Variants in CHD6 observed in about 807,000 individuals in gnomAD.
CHD6 encodes the protein ATP-dependent chromatin remodeler CHD6.
CHD6 carries 50 observed loss-of-function variants against 276.9 expected under a neutral mutation model. That is an observed-to-expected ratio of 0.18 (90% confidence interval 0.14 to 0.23). The LOEUF (loss-of-function observed/expected upper bound fraction) is 0.23. Ranked by LOEUF, CHD6 falls within the 10% of genes least tolerant of loss-of-function variation. The pLI is 1.00. For synonymous variants in CHD6, 1,173 were observed against 1,229.3 expected (o/e 0.95, Z 0.96); for missense variants, 2,564 against 3,365.8 (o/e 0.76, Z 5.89).
chr20:41,547,619 CA>C, intron 2 of CHD6: 1 of 595,870 alleles, frequency 1.7e-6, no homozygotes, highest in Admixed American at 1.9e-5. Flanking sequence ...CGATTCAGAA[CA>C]GACAGGCCCA....
At chr20:41,423,747 T>A in intron 29 of CHD6, 47 bp from the exon 30 acceptor site, 1 of 1,493,336 alleles carries the variant, frequency 6.7e-7, no homozygotes, top group Non-Finnish European at 9.3e-7. Context: ...CTTCTTTTTT[T>A]AAAGCCAATA....
At position 41,532,918 on chromosome 20, in the gene CHD6, T is replaced by C. The variant is rs1195517379; in HGVS notation, c.554+132A>G. 22 of 1,020,946 alleles carry C rather than the reference T, an allele frequency of 2.2e-5. No individual in the cohort carries two copies. In the East Asian group the frequency reaches 5.5e-4, roughly 26 times the overall value. The allele number at this position is 1,020,946 out of a possible 1,614,324, so 63.2% of individuals were successfully genotyped here. On this transcript the variant is annotated intron_variant, in intron 3 of 36. Coordinates refer to ENST00000373233, the MANE Select transcript of CHD6 (RefSeq NM_032221.5). ...GGGGTTACCCCTGCTCCCCATCCTATACAGGTGAGATGTGAAGCTTAGGCC... is the reference window on the plus strand; with the variant it reads ...GGGGTTACCCCTGCTCCCCATCCTACACAGGTGAGATGTGAAGCTTAGGCC...
chr20:41,409,205 C>T (rs1036418731), intron 36 of CHD6, among the ~76,000 whole-genome samples: 3 of 152,192 alleles, frequency 2.0e-5, no homozygotes, highest in Non-Finnish European at 4.4e-5. Flanking sequence ...GGAGGAGTCA[C>T]CCCAGCCACC....
chr20:41,610,325 T>C (rs1352163467), intron 1 of CHD6, among the ~76,000 whole-genome samples: 7 of 152,166 alleles, frequency 4.6e-5, no homozygotes. Context: ...ACGGAGAATA[T>C]GCAACCCCGA....
chr20:41,578,988 G>A (rs1341844984), intron 1 of CHD6, among the ~76,000 whole-genome samples: 1 of 151,676 alleles, frequency 6.6e-6, no homozygotes, highest in Non-Finnish European at 1.5e-5. Context: ...AAATTAGCTG[G>A]GTGTGGTGGC....
chr20:41,437,345 G>GT lies in CHD6; in HGVS notation c.4008-12dup, dbSNP rs1224459993. On this transcript the variant is annotated splice_polypyrimidine_tract_variant and intron_variant, in intron 26 of 36. Transcript: ENST00000373233. ...TTATCTGTGTTGCCTCTAAATAAAA[G>GT]TAAAAAAAGGCATCACATACTACCT... 6.2e-7 allele frequency: 1 copy of GT among 1,604,294 alleles called. No homozygotes were observed. Among genetic ancestry groups the GT allele is most frequent in the African/African-American group, 1.3e-5 (1 of 74,514 alleles).
chr20:41,447,798 G>T, intron 24 of CHD6, 84 bp downstream of exon 24: 1 of 948,170 alleles, frequency 1.1e-6, no homozygotes, highest in Non-Finnish European at 1.6e-6. Flanking sequence ...GCCTCTTTAA[G>T]CACAGGCAAG....
intron 11 of CHD6, among the ~76,000 whole-genome samples, chr20:41,491,007 A>G (rs916667933): frequency 1.3e-5 from 2 of 152,064 alleles, no homozygotes; most frequent in Admixed American, 6.6e-5. Context: ...CCATGAATGG[A>G]GCTTATAGGA....
At chr20:41,606,776 A>G (rs2045834310) in intron 1 of CHD6, among the ~76,000 whole-genome samples, 1 of 152,188 alleles carries the variant, frequency 6.6e-6, no homozygotes, top group South Asian at 2.1e-4. Flanking sequence ...AAACTCAGAT[A>G]CGCACTGGAA....
At chr20:41,538,272 A>C (rs1347222012) in intron 2 of CHD6, among the ~76,000 whole-genome samples, 1 of 152,102 alleles carries the variant, frequency 6.6e-6, no homozygotes, top group Non-Finnish European at 1.5e-5. Flanking sequence ...AATTGCTTGA[A>C]CTTGGGAGGC....
At chr20:41,548,672 C>T (rs1283721769) in intron 2 of CHD6, among the ~76,000 whole-genome samples, 1 of 152,060 alleles carries the variant, frequency 6.6e-6, no homozygotes. Context: ...AGAGCTTCTG[C>T]ACAGCAAAAG....
At chr20:41,416,547 C>G in intron 33 of CHD6, 41 bp downstream of exon 33, 1 of 1,553,058 alleles carries the variant, frequency 6.4e-7, no homozygotes, top group Non-Finnish European at 8.8e-7. Context: ...AACACGCCCA[C>G]CATTCTTTGT....
At position 41,533,680 on chromosome 20, in the gene CHD6, C is replaced by T. The variant is rs539299487; in HGVS notation, c.34-110G>A. 2.3e-5 allele frequency: 23 copies of T among 988,500 alleles called. No individual in the cohort carries two copies. The East Asian group carries it at 4.8e-4, about 21-fold the overall frequency. The allele number at this position is 988,500 out of a possible 1,614,324, so 61.2% of individuals were successfully genotyped here. A position where few individuals can be genotyped will look rare whatever the true frequency, so the allele number is the denominator to read the frequency against. On this transcript the variant is annotated intron_variant, in intron 2 of 36. Transcript: ENST00000373233. ...TGCTCAACAAATATTTACTGAGTTC[C>T]CACTCTCTGTTAGTTCCTATTGTGC...
At chr20:41,524,301 T>TA (rs1302577616) in intron 3 of CHD6, among the ~76,000 whole-genome samples, 5 of 152,134 alleles carry the variant, frequency 3.3e-5, no homozygotes, top group African/African-American at 1.2e-4. Flanking sequence ...AGAAAAAATA[T>TA]AAAAAGACCC....
chr20:41,597,462 C>T, intron 1 of CHD6, among the ~76,000 whole-genome samples: 1 of 152,164 alleles, frequency 6.6e-6, no homozygotes, highest in South Asian at 2.1e-4. Context: ...AAACTCCACC[C>T]CTTGAATTCG....
At chr20:41,513,082 A>G in intron 4 of CHD6, 87 bp from the exon 5 acceptor site, 10 of 1,418,248 alleles carry the variant, frequency 7.1e-6, no homozygotes, top group Non-Finnish European at 9.9e-6. Flanking sequence ...ATTTACTAAC[A>G]TGCCAAGGAG....
chr20:41,449,288 G>T (rs1374502966), intron 23 of CHD6, among the ~76,000 whole-genome samples: 2 of 152,190 alleles, frequency 1.3e-5, no homozygotes, highest in African/African-American at 4.8e-5. Flanking sequence ...ATTTGTAGAT[G>T]GTCGTAGCTG....
At chr20:41,555,265 C>T (rs1285558970) in intron 1 of CHD6, among the ~76,000 whole-genome samples, 9 of 126,886 alleles carry the variant, frequency 7.1e-5, no homozygotes, top group Middle Eastern at 5.6e-3. Flanking sequence ...CTGGACGGGG[C>T]GGCTGGCCGG....
In CHD6 at chr20:41,447,211, C is replaced by T. The variant is rs566374218; in HGVS notation, c.3773+671G>A. On this transcript the variant is annotated intron_variant, in intron 24 of 36. Coordinates refer to ENST00000373233, the MANE Select transcript of CHD6 (RefSeq NM_032221.5). ...GGAAAGCAAGAGAAAGAAGAAACCA[C>T]GGCCCCAGGTAATCTCAACACAAAG... is the stretch of plus-strand genomic sequence containing the variant. Among the ~76,000 whole-genome samples the T allele has an allele frequency of 2.4e-4, 37 of 152,286 alleles. 1 individual carries two copies. Among genetic ancestry groups the T allele is most frequent in the African/African-American group, 7.2e-4 (30 of 41,564 alleles).
Sources: gnomAD v4.1 joint callset for allele counts (sites outside exome capture counted in the v4.1 genomes callset) on GRCh38, gnomAD v4.1.1 for gene constraint, MANE v1.5 for transcripts, NCBI Gene and HGNC (gene_info 2026-07-23, HGNC 2026-07-21) for gene names.